Variants in CTNNA3 observed in about 807,000 individuals in gnomAD.
CTNNA3 encodes catenin alpha 3.
A neutral mutation model predicts 95.7 loss-of-function variants in CTNNA3; 76 were observed. The observed-to-expected ratio is 0.79, with a 90% confidence interval of 0.66 to 0.96. The LOEUF is 0.96. Among genes scored for constraint, CTNNA3 ranks in the 40% least tolerant of loss-of-function variants. The pLI is 0.00. For missense variants in CTNNA3, 1,191 were observed against 1,089.8 expected (o/e 1.09, Z -1.31); for synonymous variants, 431 against 374.4 (o/e 1.15, Z -1.74).
At chr10:66,165,139 G>A (rs191267976) in intron 13 of CTNNA3, among the ~76,000 whole-genome samples, 1 of 152,280 alleles carries the variant, frequency 6.6e-6, no homozygotes, top group Non-Finnish European at 1.5e-5. Context: ...ACTGGAGGCT[G>A]CTATCCTAAG....
At chr10:67,610,533 C>A (rs1426383933) in intron 2 of CTNNA3, among the ~76,000 whole-genome samples, 1 of 152,040 alleles carries the variant, frequency 6.6e-6, no homozygotes, top group East Asian at 1.9e-4. Flanking sequence ...TTTTTTTTAA[C>A]CCTAACTCAC....
chr10:67,675,993 C>A (rs1028981460), intron 1 of CTNNA3, among the ~76,000 whole-genome samples: 1 of 151,798 alleles, frequency 6.6e-6, no homozygotes, highest in Non-Finnish European at 1.5e-5. Context: ...TCATAGGGAT[C>A]AATAACCAAT....
chr10:67,250,641 C>A (rs994741488), intron 5 of CTNNA3, among the ~76,000 whole-genome samples: 2 of 152,126 alleles, frequency 1.3e-5, no homozygotes, highest in South Asian at 4.1e-4. Context: ...TATATTTCAG[C>A]CACTGTTGGT....
chr10:67,063,654 C>G (rs890277635), intron 7 of CTNNA3, among the ~76,000 whole-genome samples: 2 of 152,140 alleles, frequency 1.3e-5, no homozygotes, highest in Admixed American at 6.6e-5. Context: ...AGTGCTCTTT[C>G]GAGAATAAAT....
intron 15 of CTNNA3, among the ~76,000 whole-genome samples, chr10:66,017,853 T>C (rs74653263): frequency 0.013 from 1,909 of 152,190 alleles, 30 homozygotes; most frequent in African/African-American, 0.044. Context: ...GGCTGTTTGG[T>C]TCTAATCATC....
At chr10:66,466,517 TAGTTTAC>T (rs1838923386) in intron 11 of CTNNA3, among the ~76,000 whole-genome samples, 1 of 151,998 alleles carries the variant, frequency 6.6e-6, no homozygotes, top group Non-Finnish European at 1.5e-5. Flanking sequence ...CCCTCTGACT[TAGTTTAC>T]TACCATTTCC....
chr10:66,034,939 T>C lies in CTNNA3; in HGVS notation c.2159+34369A>G, dbSNP rs550652740. ...AAGTTACTAATTTTAAATTTTAAAATAGTTAATAACTGTAACTATTTTATA... is the reference window on the plus strand; with the variant it reads ...AAGTTACTAATTTTAAATTTTAAAACAGTTAATAACTGTAACTATTTTATA... On this transcript the variant is annotated intron_variant, in intron 15 of 17. Coordinates refer to ENST00000433211, the MANE Select transcript of CTNNA3 (RefSeq NM_013266.4). 9.2e-5 allele frequency among the ~76,000 whole-genome samples: 14 copies of C among 152,326 alleles called. No individual in the cohort carries two copies. In the South Asian group the frequency reaches 1.7e-3, roughly 18 times the overall value.
At chr10:66,006,997 G>A (rs1043705753) in intron 15 of CTNNA3, among the ~76,000 whole-genome samples, 1 of 152,040 alleles carries the variant, frequency 6.6e-6, no homozygotes, top group African/African-American at 2.4e-5. Context: ...CAAGACCTTT[G>A]GCAGCTGATC....
chr10:66,369,541 A>C (rs1036392362), intron 12 of CTNNA3, among the ~76,000 whole-genome samples: 3 of 152,178 alleles, frequency 2.0e-5, no homozygotes, highest in Admixed American at 2.0e-4. Context: ...GTTTTAGGGT[A>C]CATGTGCGCA....
intron 6 of CTNNA3, 74 bp downstream of exon 6, chr10:67,219,533 G>T (rs1219402027): frequency 1.4e-6 from 2 of 1,458,042 alleles, no homozygotes; most frequent in African/African-American, 1.4e-5. Context: ...CCAACATGTG[G>T]ATCTTCTTCT....
intron 13 of CTNNA3, among the ~76,000 whole-genome samples, chr10:66,195,027 C>T (rs16922594): frequency 0.085 from 12,976 of 152,142 alleles, 955 homozygotes; most frequent in African/African-American, 0.2. Flanking sequence ...TGCATACTTT[C>T]AAAATGACAT....
chr10:67,045,200 G>A (rs2133161815), intron 7 of CTNNA3, among the ~76,000 whole-genome samples: 1 of 152,126 alleles, frequency 6.6e-6, no homozygotes, highest in East Asian at 1.9e-4. Flanking sequence ...GACTTGTAGT[G>A]GTATTCTTAG....
intron 13 of CTNNA3, among the ~76,000 whole-genome samples, chr10:66,185,982 C>A (rs2086322035): frequency 6.6e-6 from 1 of 151,736 alleles, no homozygotes; most frequent in Non-Finnish European, 1.5e-5. Flanking sequence ...GATATGTACA[C>A]ACATACACAC....
rs1352488112 is a variant in CTNNA3 at position 66,386,744 on chromosome 10, C to G, written c.1532-7392G>C. 2.0e-5 allele frequency among the ~76,000 whole-genome samples: 3 copies of G among 152,136 alleles called. No individual in the cohort carries two copies. The East Asian group carries it at 5.8e-4, about 29-fold the overall frequency. On this transcript the variant is annotated intron_variant, in intron 11 of 17. Coordinates refer to ENST00000433211, the MANE Select transcript of CTNNA3 (RefSeq NM_013266.4). Reference sequence around the variant, plus strand: ...AAACAGCATGATACTGGTACCAAAACAGATATATAGACCAATGGAACAGAA... The same window carrying G: ...AAACAGCATGATACTGGTACCAAAAGAGATATATAGACCAATGGAACAGAA...
chr10:66,256,288 G>T (rs2090768989), intron 13 of CTNNA3, among the ~76,000 whole-genome samples: 1 of 152,124 alleles, frequency 6.6e-6, no homozygotes, highest in Non-Finnish European at 1.5e-5. Flanking sequence ...ATCCATTCTG[G>T]CTGTACACTT....
chr10:67,091,770 G>A (rs1857659017), intron 7 of CTNNA3, among the ~76,000 whole-genome samples: 1 of 151,892 alleles, frequency 6.6e-6, no homozygotes, highest in South Asian at 2.1e-4. Context: ...CAAGAGACAG[G>A]GAGTCAAAGT....
chr10:67,133,422 G>T (rs1251020590), intron 7 of CTNNA3, among the ~76,000 whole-genome samples: 1 of 143,244 alleles, frequency 7.0e-6, no homozygotes, highest in Admixed American at 6.9e-5. Context: ...TATATATATA[G>T]CAACAATAGT....
At chr10:67,110,014 A>G (rs1858835292) in intron 7 of CTNNA3, among the ~76,000 whole-genome samples, 1 of 152,064 alleles carries the variant, frequency 6.6e-6, no homozygotes, top group Non-Finnish European at 1.5e-5. Flanking sequence ...CAGTATGGCA[A>G]AGGCAGCCAT....
intron 17 of CTNNA3, among the ~76,000 whole-genome samples, chr10:65,950,179 A>C (rs968271916): frequency 1.5e-4 from 22 of 150,060 alleles, no homozygotes; most frequent in African/African-American, 4.6e-4. Context: ...CACACACACA[A>C]ACAACCTCAC....
Sources: gnomAD v4.1 joint callset for allele counts (sites outside exome capture counted in the v4.1 genomes callset) on GRCh38, gnomAD v4.1.1 for gene constraint, MANE v1.5 for transcripts, NCBI Gene and HGNC (gene_info 2026-07-23, HGNC 2026-07-21) for gene names.